Variants in NEURL1 observed in about 807,000 individuals in gnomAD.
NEURL1 encodes neuralized E3 ubiquitin protein ligase 1.
NEURL1 carries 26 observed loss-of-function variants against 41.2 expected under a neutral mutation model. That is an observed-to-expected ratio of 0.63 (90% CI 0.46 to 0.87). NEURL1 has a LOEUF of 0.87. NEURL1 is among the 40% of genes least tolerant of loss of function. The probability of loss-of-function intolerance (pLI) is 0.00; values close to 1 mark genes in which losing one functional copy is unlikely to be tolerated. For missense variants in NEURL1, 761 were observed against 871.1 expected (o/e 0.87, Z 1.59); for synonymous variants, 400 against 402.3 (o/e 0.99, Z 0.07).
At chr10:103,570,009 C>T (rs1368160565) in intron 1 of NEURL1, among the ~76,000 whole-genome samples, 1 of 152,226 alleles carries the variant, frequency 6.6e-6, no homozygotes, top group Non-Finnish European at 1.5e-5. Flanking sequence ...GAAGCTGCTC[C>T]TCCTCCTCTA....
intron 1 of NEURL1, among the ~76,000 whole-genome samples, chr10:103,538,211 C>T (rs1423681858): frequency 2.6e-5 from 4 of 152,078 alleles, no homozygotes; most frequent in Non-Finnish European, 1.5e-5. Context: ...TGTCGTGCCT[C>T]AGCCTCCTGA....
rs1213012028 is a variant in NEURL1 at position 103,506,953 on chromosome 10, A to G, written c.85+12481A>G. 2.6e-5 allele frequency among the ~76,000 whole-genome samples: 4 copies of G among 152,270 alleles called. No homozygotes were observed. In the East Asian group the frequency reaches 7.7e-4, roughly 29 times the overall value. On this transcript the variant is annotated intron_variant, in intron 1 of 5. Coordinates refer to ENST00000369780, the MANE Select transcript of NEURL1 (RefSeq NM_004210.5). ...CCCGAAGGGAGAAGGTCTGGCAGGTACCAAGCACAGGCACAAAGTCAGGCC... is the reference window on the plus strand; with the variant it reads ...CCCGAAGGGAGAAGGTCTGGCAGGTGCCAAGCACAGGCACAAAGTCAGGCC...
rs1392329593 is a variant in NEURL1, at chr10:103,590,459, C to A, written c.*87C>A. 1.8e-6 allele frequency: 2 copies of A among 1,100,698 alleles called. No individual in the cohort carries two copies. Among genetic ancestry groups the A allele is most frequent in the South Asian group, 2.7e-5 (2 of 73,722 alleles). The allele number at this position is 1,100,698 out of a possible 1,614,324, so 68.2% of individuals were successfully genotyped here. On this transcript the variant is annotated 3_prime_UTR_variant, in exon 6 of 6. Transcript: ENST00000369780. ...GGAACAAGCCAGTGGGGCCCCTTCT[C>A]TTCCTCATTTTGGAAACTTTTCCTC...
At chr10:103,561,832 T>C (rs1270673301) in intron 1 of NEURL1, among the ~76,000 whole-genome samples, 2 of 152,138 alleles carry the variant, frequency 1.3e-5, no homozygotes, top group African/African-American at 2.4e-5. Context: ...TGCTGGCAAG[T>C]GAGGAGCTAT....
Position 103,585,091 on chromosome 10 carries a change from T to C in NEURL1, c.1205T>C (p.Val402Ala). Residue 402 changes from valine (V) to alanine (A), a missense_variant, in exon 4 of 6, where the codon GTG (valine) becomes GCG (alanine). This residue lies in a region of NEURL1 where 443 missense variants were observed against 408.1 expected (regional missense o/e 1.09). Coordinates refer to ENST00000369780, the MANE Select transcript of NEURL1 (RefSeq NM_004210.5). ...CACAGCGGCGACATCCTGGGCCTGG[T>C]GGTCAACGCCGACGGCGAGCTGCAC... is the stretch of plus-strand genomic sequence containing the variant. The part of the protein sequence containing the change: ...PLHSGDILGL[V>A]VNADGELHLS... 5.7e-6 allele frequency: 9 copies of C among 1,590,326 alleles called. No homozygotes were observed. The highest frequency in any genetic ancestry group is 7.7e-6 in the Non-Finnish European group (9 of 1,176,352).
chr10:103,538,299 G>A (rs979344428), intron 1 of NEURL1, among the ~76,000 whole-genome samples: 9 of 152,128 alleles, frequency 5.9e-5, no homozygotes, highest in African/African-American at 2.2e-4. Flanking sequence ...GGCTGAGCAC[G>A]GTGGCTCACG....
rs770803402 is a variant in NEURL1 at position 103,556,743 on chromosome 10, G to T, written c.86-14129G>T. ...GACACATAATCCGGAGCCAGGCCAGGGGCACTGCCAGTGGCCTGGGCCTTG... is the reference window on the plus strand; with the variant it reads ...GACACATAATCCGGAGCCAGGCCAGTGGCACTGCCAGTGGCCTGGGCCTTG... On this transcript the variant is annotated intron_variant, in intron 1 of 5. Coordinates refer to ENST00000369780, the MANE Select transcript of NEURL1 (RefSeq NM_004210.5). The surrounding 1 kb of genome is among the most constrained non-coding windows in gnomAD (Gnocchi z 4.4). 2.0e-5 allele frequency among the ~76,000 whole-genome samples: 3 copies of T among 152,272 alleles called. No individual in the cohort carries two copies. The highest frequency in any genetic ancestry group is 4.4e-5 in the Non-Finnish European group (3 of 68,054).
chr10:103,571,952 C>T, intron 3 of NEURL1, 130 bp downstream of exon 3: 1 of 924,938 alleles, frequency 1.1e-6, no homozygotes, highest in East Asian at 2.7e-5. Context: ...GGAACCGGGG[C>T]AGCCCTGGGA....
intron 1 of NEURL1, among the ~76,000 whole-genome samples, chr10:103,517,968 C>T (rs1175286221): frequency 6.6e-6 from 1 of 152,218 alleles, no homozygotes; most frequent in Non-Finnish European, 1.5e-5. Flanking sequence ...ATCCAATGAA[C>T]ACATCTTTTC....
At chr10:103,563,952 C>T (rs2035362812) in intron 1 of NEURL1, among the ~76,000 whole-genome samples, 2 of 152,206 alleles carry the variant, frequency 1.3e-5, no homozygotes, top group African/African-American at 4.8e-5. Context: ...CCATGAGAGG[C>T]TGGGCACTGT....
chr10:103,549,833 T>C (rs1431125263), intron 1 of NEURL1, among the ~76,000 whole-genome samples: 1 of 152,240 alleles, frequency 6.6e-6, no homozygotes. Flanking sequence ...ATATGTCATA[T>C]TAGGCATAGC....
intron 1 of NEURL1, among the ~76,000 whole-genome samples, chr10:103,533,409 G>T (rs2034616093): frequency 1.4e-5 from 2 of 141,456 alleles, no homozygotes; most frequent in Non-Finnish European, 1.5e-5. Flanking sequence ...CACTCTTGTT[G>T]CCCAGGCTGG....
intron 3 of NEURL1, 64 bp downstream of exon 3, chr10:103,571,886 C>G: frequency 6.8e-7 from 1 of 1,461,284 alleles, no homozygotes; most frequent in East Asian, 2.3e-5. Context: ...GGCACTGCAG[C>G]CTGGCACTGT....
chr10:103,579,229 A>C (rs1171455043), intron 3 of NEURL1, among the ~76,000 whole-genome samples: 2 of 152,210 alleles, frequency 1.3e-5, no homozygotes, highest in Non-Finnish European at 2.9e-5. Flanking sequence ...GTGTTTGCTA[A>C]CAGTTTTCTC....
At chr10:103,557,087 A>G (rs951475360) in intron 1 of NEURL1, among the ~76,000 whole-genome samples, 1 of 152,148 alleles carries the variant, frequency 6.6e-6, no homozygotes, top group African/African-American at 2.4e-5. Context: ...CCCGAGCCTC[A>G]GTTTTCTCAC....
chr10:103,498,851 A>G (rs2033753675), intron 1 of NEURL1, among the ~76,000 whole-genome samples: 1 of 152,208 alleles, frequency 6.6e-6, no homozygotes, highest in South Asian at 2.1e-4. Context: ...AGTTTCATCC[A>G]TGTTGTAGCG....
rs543146239 is a variant in NEURL1 at position 103,558,824 on chromosome 10, C to A, written c.86-12048C>A. Among the ~76,000 whole-genome samples the A allele has an allele frequency of 4.6e-5, 7 of 152,240 alleles. No individual in the cohort carries two copies. In the East Asian group the frequency reaches 1.4e-3, roughly 29 times the overall value. ...TTTCCCCCCACTTCCTCCTTCACCT[C>A]CCTTCAATGCTCCCTCAGGGCAAGG... is the stretch of plus-strand genomic sequence containing the variant. On this transcript the variant is annotated intron_variant, in intron 1 of 5. Transcript: ENST00000369780. The surrounding 1 kb of genome is among the most constrained non-coding windows in gnomAD (Gnocchi z 4.2).
chr10:103,580,073 C>T (rs1051481511), intron 3 of NEURL1, among the ~76,000 whole-genome samples: 3 of 152,142 alleles, frequency 2.0e-5, no homozygotes, highest in African/African-American at 7.2e-5. Flanking sequence ...GCTGGGCACA[C>T]AGTAGGTCAG....
chr10:103,584,818 A>C lies in NEURL1; in HGVS notation c.932A>C (p.Gln311Pro). Reference sequence around the variant, plus strand: ...GCGCACGTCCGCATCCTCGACGAGCAGACGGTGGCGCGCGTGGAGCACGGG... The same window carrying C: ...GCGCACGTCCGCATCCTCGACGAGCCGACGGTGGCGCGCGTGGAGCACGGG... Reference protein sequence around the residue: ...AGAHVRILDEQTVARVEHGRD... With the variant: ...AGAHVRILDEPTVARVEHGRD... Residue 311 changes from glutamine to proline, a missense_variant, in exon 4 of 6, where the codon CAG becomes CCG. Gln to Pro is a moderately conservative substitution (Grantham distance 76). Transcript: ENST00000369780. 4 of 1,421,944 alleles carry C rather than the reference A, an allele frequency of 2.8e-6. No homozygotes were observed. Among genetic ancestry groups the C allele is most frequent in the Non-Finnish European group, 3.7e-6 (4 of 1,095,238 alleles). The allele number at this position is 1,421,944 out of a possible 1,614,324, so 88.1% of individuals were successfully genotyped here.
Sources: allele counts gnomAD v4.1 joint callset (sites outside exome capture counted in the v4.1 genomes callset), GRCh38; gene constraint gnomAD v4.1.1; regional missense constraint gnomAD v4.1.1; non-coding constraint Gnocchi (gnomAD v3.1); transcripts MANE v1.5; gene names NCBI Gene and HGNC (gene_info 2026-07-23, HGNC 2026-07-21).